Variants in FHIP1A observed in about 807,000 individuals in gnomAD.
FHIP1A encodes the protein FHF complex subunit HOOK interacting protein 1A.
FHIP1A carries 61 observed loss-of-function variants against 88.6 expected under a neutral mutation model. The ratio of observed to expected loss-of-function variants is 0.69; its 90% confidence interval spans 0.56 to 0.85. The LOEUF (loss-of-function observed/expected upper bound fraction) is 0.85. FHIP1A is among the 40% of genes least tolerant of loss of function. The pLI, the probability that FHIP1A is intolerant of heterozygous loss-of-function variation, is 0.00. For synonymous variants in FHIP1A, 478 were observed against 496.0 expected (o/e 0.96, Z 0.48); for missense variants, 1,154 against 1,273.5 (o/e 0.91, Z 1.43).
chr4:151,577,319 A>G, intron 4 of FHIP1A, 131 bp from the exon 5 acceptor site: 2 of 748,650 alleles, frequency 2.7e-6, no homozygotes, highest in Non-Finnish European at 2.2e-6. Flanking sequence ...ACACACACAC[A>G]CAATGCCCAC....
At chr4:151,435,022 A>G (rs999178236) in intron 1 of FHIP1A, among the ~76,000 whole-genome samples, 2 of 152,182 alleles carry the variant, frequency 1.3e-5, no homozygotes, top group Non-Finnish European at 2.9e-5. Context: ...GTAATGTGAT[A>G]TTTTGATACA....
intron 7 of FHIP1A, among the ~76,000 whole-genome samples, chr4:151,607,747 C>T (rs1164904283): frequency 6.6e-6 from 1 of 152,078 alleles, no homozygotes; most frequent in African/African-American, 2.4e-5. Flanking sequence ...TTTGTAAAGA[C>T]TAAGTAAGAT....
chr4:151,484,525 G>A (rs929888652), intron 3 of FHIP1A, among the ~76,000 whole-genome samples: 26 of 152,176 alleles, frequency 1.7e-4, no homozygotes, highest in Admixed American at 6.5e-5. Context: ...ATAATGAAAG[G>A]ATGTAACACT....
intron 4 of FHIP1A, among the ~76,000 whole-genome samples, chr4:151,567,472 C>T (rs1405715264): frequency 2.6e-5 from 4 of 151,894 alleles, no homozygotes; most frequent in Admixed American, 6.6e-5. Flanking sequence ...ATTCTCTGAC[C>T]TTTTACCATT....
chr4:151,540,088 C>G (rs1411190929), intron 3 of FHIP1A, among the ~76,000 whole-genome samples: 1 of 152,114 alleles, frequency 6.6e-6, no homozygotes, highest in Non-Finnish European at 1.5e-5. Flanking sequence ...AAAGAAATAG[C>G]CTTGGCCTAT....
intron 9 of FHIP1A, among the ~76,000 whole-genome samples, chr4:151,641,914 T>G (rs1736601254): frequency 6.6e-6 from 1 of 152,246 alleles, no homozygotes; most frequent in Non-Finnish European, 1.5e-5. Context: ...CTGTGAAGAT[T>G]ATGTGACTGC....
At chr4:151,485,990 G>A (rs1047296352) in intron 3 of FHIP1A, among the ~76,000 whole-genome samples, 1 of 152,188 alleles carries the variant, frequency 6.6e-6, no homozygotes, top group African/African-American at 2.4e-5. Flanking sequence ...GACGGGGATG[G>A]CGTGGCTTGA....
At chr4:151,490,351 C>T (rs1476365274) in intron 3 of FHIP1A, among the ~76,000 whole-genome samples, 1 of 152,196 alleles carries the variant, frequency 6.6e-6, no homozygotes, top group East Asian at 1.9e-4. Context: ...CAGACATTCC[C>T]CAGCACCAGC....
chr4:151,561,374 G>A (rs545932937), intron 3 of FHIP1A, among the ~76,000 whole-genome samples: 12 of 152,216 alleles, frequency 7.9e-5, no homozygotes, highest in East Asian at 5.8e-4. Context: ...TTTATTTTTC[G>A]CAGTCCAGCA....
At chr4:151,516,758 T>C (rs1731254087) in intron 3 of FHIP1A, among the ~76,000 whole-genome samples, 1 of 151,942 alleles carries the variant, frequency 6.6e-6, no homozygotes, top group Non-Finnish European at 1.5e-5. Context: ...TGAGATACCA[T>C]CTCACACCAG....
In FHIP1A at chr4:151,525,507, G is replaced by A. The variant is rs535719906; in HGVS notation, c.-122-40631G>A. On this transcript the variant is annotated intron_variant, in intron 3 of 13. Coordinates refer to ENST00000435205, the MANE Select transcript of FHIP1A (RefSeq NM_001109977.3). ...ATCTCATCCTTGAATTGGAAGTATTGGGGGACAGAGAAGGGGGTCTTGGCA... is the reference window on the plus strand; with the variant it reads ...ATCTCATCCTTGAATTGGAAGTATTAGGGGACAGAGAAGGGGGTCTTGGCA... Among the ~76,000 whole-genome samples the A allele has an allele frequency of 5.9e-4, 90 of 152,306 alleles. 1 individual carries two copies. Among genetic ancestry groups the A allele is most frequent in the Non-Finnish European group, 2.9e-5 (2 of 68,034 alleles).
intron 8 of FHIP1A, among the ~76,000 whole-genome samples, chr4:151,638,325 G>GTGTGTGTT (rs1736438091): frequency 6.6e-6 from 1 of 151,310 alleles, no homozygotes; most frequent in African/African-American, 2.4e-5. Flanking sequence ...TTGTGTGTGT[G>GTGTGTGTT]TGTGTGTGTG....
chr4:151,499,877 C>T (rs1325610888), intron 3 of FHIP1A, among the ~76,000 whole-genome samples: 1 of 152,204 alleles, frequency 6.6e-6, no homozygotes, highest in Non-Finnish European at 1.5e-5. Context: ...AATTACCTTT[C>T]ACCAGGTCCC....
At chr4:151,572,962 T>A (rs1384422403) in intron 4 of FHIP1A, among the ~76,000 whole-genome samples, 1 of 152,206 alleles carries the variant, frequency 6.6e-6, no homozygotes, top group Non-Finnish European at 1.5e-5. Context: ...ACTTCCTGTT[T>A]AGAATTTGTG....
At chr4:151,628,997 G>C (rs1328776885) in intron 7 of FHIP1A, among the ~76,000 whole-genome samples, 1 of 152,144 alleles carries the variant, frequency 6.6e-6, no homozygotes, top group Non-Finnish European at 1.5e-5. Context: ...CTGAAAAATT[G>C]ACATTTTACT....
chr4:151,557,405 C>T (rs1440347191), intron 3 of FHIP1A, among the ~76,000 whole-genome samples: 1 of 152,168 alleles, frequency 6.6e-6, no homozygotes, highest in African/African-American at 2.4e-5. Flanking sequence ...TTTGATTTTT[C>T]TTTTCTTGCT....
intron 3 of FHIP1A, among the ~76,000 whole-genome samples, chr4:151,550,687 G>A (rs1369932989): frequency 6.6e-6 from 1 of 152,190 alleles, no homozygotes; most frequent in Non-Finnish European, 1.5e-5. Flanking sequence ...CTCTCTCTAA[G>A]TGTCTTTAAT....
At chr4:151,662,397 C>A in intron 13 of FHIP1A, 104 bp from the exon 14 acceptor site, 1 of 1,264,950 alleles carries the variant, frequency 7.9e-7, no homozygotes, top group Non-Finnish European at 1.1e-6. Context: ...GCACTCATAA[C>A]TAGATACTCT....
chr4:151,561,034 G>A (rs1733152773), intron 3 of FHIP1A, among the ~76,000 whole-genome samples: 1 of 152,146 alleles, frequency 6.6e-6, no homozygotes, highest in Admixed American at 6.5e-5. Context: ...ACTTGGGTAT[G>A]ACATAGTTGG....
Sources: allele counts gnomAD v4.1 joint callset (sites outside exome capture counted in the v4.1 genomes callset), GRCh38; gene constraint gnomAD v4.1.1; transcripts MANE v1.5; gene names NCBI Gene and HGNC (gene_info 2026-07-23, HGNC 2026-07-21).